The following KIF26B variants were observed in gnomAD, a reference collection of about 807,000 sequenced individuals.
KIF26B encodes the protein kinesin-like protein KIF26B.
Under a neutral mutation model 151.2 loss-of-function variants are expected in KIF26B, and 63 were observed. The observed-to-expected ratio is 0.42, with a 90% CI of 0.34 to 0.51. KIF26B has a LOEUF of 0.51. Ranked by LOEUF, KIF26B falls within the 20% of genes least tolerant of loss-of-function variation. The pLI is 0.07. For missense variants in KIF26B, 2,813 were observed against 2,913.6 expected (o/e 0.97, Z 0.79); for synonymous variants, 1,357 against 1,262.1 (o/e 1.08, Z -1.59).
At chr1:245,648,168 A>T (rs1012852936) in intron 10 of KIF26B, among the ~76,000 whole-genome samples, 23 of 152,214 alleles carry the variant, frequency 1.5e-4, no homozygotes, top group African/African-American at 5.3e-4. Flanking sequence ...GAGGTCATTG[A>T]TTACATATCT....
intron 4 of KIF26B, among the ~76,000 whole-genome samples, chr1:245,532,251 T>TC (rs1558202452): frequency 6.9e-6 from 1 of 145,064 alleles, no homozygotes; most frequent in Non-Finnish European, 1.5e-5. Context: ...TTCTTTTCTT[T>TC]TTTTTTTTTT....
At chr1:245,534,103 G>C (rs775843086) in intron 4 of KIF26B, among the ~76,000 whole-genome samples, 2 of 152,150 alleles carry the variant, frequency 1.3e-5, no homozygotes, top group African/African-American at 2.4e-5. Flanking sequence ...GGACATTCTA[G>C]CCAAGGACAG....
intron 4 of KIF26B, among the ~76,000 whole-genome samples, chr1:245,453,563 C>T (rs1489479800): frequency 6.6e-6 from 1 of 152,154 alleles, no homozygotes; most frequent in Non-Finnish European, 1.5e-5. Flanking sequence ...TCTTGCAGCT[C>T]ATGTGGTTTT....
intron 4 of KIF26B, among the ~76,000 whole-genome samples, chr1:245,454,804 T>C (rs1421938814): frequency 1.3e-5 from 2 of 152,208 alleles, no homozygotes; most frequent in Non-Finnish European, 2.9e-5. Context: ...CTCTCCTTTC[T>C]ATTGTAAGAA....
At chr1:245,196,649 G>A (rs1427307488) in intron 2 of KIF26B, among the ~76,000 whole-genome samples, 2 of 152,064 alleles carry the variant, frequency 1.3e-5, no homozygotes, top group Admixed American at 6.6e-5. Context: ...AGACAGGTGT[G>A]GCTTAACGGA....
chr1:245,692,732 G>A (rs2044642603), intron 12 of KIF26B, among the ~76,000 whole-genome samples: 1 of 152,178 alleles, frequency 6.6e-6, no homozygotes, highest in Non-Finnish European at 1.5e-5. Context: ...GTATATTATT[G>A]TAGTTGGCAA....
In KIF26B at chr1:245,244,385, T is replaced by C. The variant is rs189053210; in HGVS notation, c.465+87702T>C. ...GGGAAATATGGAATGACGTCTTGCA[T>C]ATTGTCATGATATGTAGTGGGTGGG... On this transcript the variant is annotated intron_variant, in intron 2 of 14. Coordinates refer to ENST00000407071, the MANE Select transcript of KIF26B (RefSeq NM_018012.4). This position sits in a 1 kb window ranked among gnomAD's most constrained non-coding sequence, Gnocchi z 4.2. Among the ~76,000 whole-genome samples, 1 of 152,292 alleles carries C rather than the reference T, an allele frequency of 6.6e-6. No individual in the cohort carries two copies. Among genetic ancestry groups the C allele is most frequent in the African/African-American group, 2.4e-5 (1 of 41,564 alleles).
chr1:245,340,677 T>G (rs2102995590), intron 2 of KIF26B, among the ~76,000 whole-genome samples: 1 of 152,354 alleles, frequency 6.6e-6, no homozygotes, highest in Non-Finnish European at 1.5e-5. Context: ...GGTCCTGCTT[T>G]CATCGGGTTT....
At chr1:245,208,984 T>G (rs1405251533) in intron 2 of KIF26B, among the ~76,000 whole-genome samples, 1 of 152,172 alleles carries the variant, frequency 6.6e-6, no homozygotes, top group Non-Finnish European at 1.5e-5. Context: ...CATCCTTGGG[T>G]ATTTATTAGA....
intron 2 of KIF26B, among the ~76,000 whole-genome samples, chr1:245,294,447 C>T (rs1291613930): frequency 6.6e-6 from 1 of 152,098 alleles, no homozygotes; most frequent in Non-Finnish European, 1.5e-5. Context: ...TTTCCTTTTT[C>T]TGAATTGCTT....
intron 2 of KIF26B, among the ~76,000 whole-genome samples, chr1:245,158,301 A>G (rs1260817502): frequency 6.6e-6 from 1 of 152,168 alleles, no homozygotes; most frequent in Non-Finnish European, 1.5e-5. Flanking sequence ...AGAGGAGGGG[A>G]AGGAAAATCT....
intron 2 of KIF26B, among the ~76,000 whole-genome samples, chr1:245,346,984 C>G (rs921556811): frequency 1.3e-5 from 2 of 152,172 alleles, no homozygotes; most frequent in African/African-American, 4.8e-5. Flanking sequence ...CTTTACCCAT[C>G]TCTCTCTTCA....
rs953623723 is a variant in KIF26B at position 245,703,971 on chromosome 1, G to A, written c.*1365G>A. On this transcript the variant is annotated 3_prime_UTR_variant, in exon 15 of 15. Coordinates refer to ENST00000407071, the MANE Select transcript of KIF26B (RefSeq NM_018012.4). The stretch of plus-strand genomic sequence containing the variant: ...ATAGCTGAAGACTATGGATGTCCAG[G>A]TCTTGGCTCCCAACAACTCAGGACC... 1 of 152,236 alleles carries A rather than the reference G, an allele frequency of 6.6e-6. No homozygotes were observed. Among genetic ancestry groups the A allele is most frequent in the Non-Finnish European group, 1.5e-5 (1 of 68,060 alleles). 9.4% of individuals were successfully genotyped at this position (152,236 alleles called of 1,614,324 possible).
chr1:245,671,745 T>C (rs992818190), intron 10 of KIF26B, among the ~76,000 whole-genome samples: 2 of 152,138 alleles, frequency 1.3e-5, no homozygotes, highest in African/African-American at 4.8e-5. Flanking sequence ...ATGACAAGGA[T>C]TAGTAGTGGA....
At chr1:245,333,654 A>G (rs908408623) in intron 2 of KIF26B, among the ~76,000 whole-genome samples, 2 of 152,210 alleles carry the variant, frequency 1.3e-5, no homozygotes, top group East Asian at 1.9e-4. Flanking sequence ...GTAACTCTCC[A>G]TTTTTTATCT....
intron 3 of KIF26B, among the ~76,000 whole-genome samples, chr1:245,408,347 TTC>T (rs1263292364): frequency 8.9e-6 from 1 of 112,134 alleles, no homozygotes; most frequent in Non-Finnish European, 1.7e-5. Flanking sequence ...TCTTAAATGA[TTC>T]TTTTTTTTTT....
rs372200072 is a variant in KIF26B at position 245,687,383 on chromosome 1, C to A, written c.4400C>A (p.Thr1467Lys). 3 of 1,588,016 alleles carry A rather than the reference C, an allele frequency of 1.9e-6. No individual in the cohort carries two copies. Among genetic ancestry groups the A allele is most frequent in the East Asian group, 4.6e-5 (2 of 43,542 alleles). ...EEGMMRCETA[T>K]GPSNAETRAE... is the part of the protein sequence containing the mutation. ...GGGATGATGAGGTGTGAGACTGCCA[C>A]GGGCCCCTCGAATGCTGAGACCAGA... is the stretch of plus-strand genomic sequence containing the variant. The change falls in exon 12 of 15, where the codon ACG becomes AAG. Residue 1467 changes from threonine to lysine, a missense_variant. Thr to Lys is a moderately conservative substitution (Grantham distance 78). Coordinates refer to ENST00000407071, the MANE Select transcript of KIF26B (RefSeq NM_018012.4). The surrounding 1 kb of genome is among the most constrained non-coding windows in gnomAD (Gnocchi z 4.9).
At chr1:245,511,265 G>C in intron 4 of KIF26B, 1 of 626,796 alleles carries the variant, frequency 1.6e-6, no homozygotes, top group South Asian at 2.0e-5. Context: ...GAAGTTAGGA[G>C]GGTCCAGGTT....
At chr1:245,273,788 T>C (rs1670892916) in intron 2 of KIF26B, among the ~76,000 whole-genome samples, 1 of 152,228 alleles carries the variant, frequency 6.6e-6, no homozygotes, top group Non-Finnish European at 1.5e-5. Context: ...AGACAGCATA[T>C]AGCTGAAGCT....
Sources: gnomAD v4.1 joint callset for allele counts (sites outside exome capture counted in the v4.1 genomes callset) on GRCh38, gnomAD v4.1.1 for gene constraint, Gnocchi (gnomAD v3.1) non-coding constraint, MANE v1.5 for transcripts, NCBI Gene and HGNC (gene_info 2026-07-23, HGNC 2026-07-21) for gene names.